The following ATP13A4 variants were observed in gnomAD, a reference collection of about 807,000 sequenced individuals.
The protein encoded by ATP13A4 is ATPase 13A4.
Under a neutral mutation model 142.5 loss-of-function variants are expected in ATP13A4, and 114 were observed. That is an observed-to-expected ratio of 0.80 (90% CI 0.69 to 0.93). ATP13A4 has a LOEUF of 0.93. Ranked by LOEUF, ATP13A4 falls within the 40% of genes least tolerant of loss-of-function variation. The pLI is 0.00. For missense variants in ATP13A4, 1,392 were observed against 1,454.0 expected (o/e 0.96, Z 0.69); for synonymous variants, 488 against 514.8 (o/e 0.95, Z 0.70).
chr3:193,444,987 A>AGCCC (rs1716860703), intron 18 of ATP13A4, among the ~76,000 whole-genome samples: 1 of 152,254 alleles, frequency 6.6e-6, no homozygotes, highest in South Asian at 2.1e-4. Flanking sequence ...CGGGATAAAC[A>AGCCC]GCCCAGGCCT....
intron 8 of ATP13A4, among the ~76,000 whole-genome samples, chr3:193,480,582 C>T (rs972682511): frequency 6.6e-6 from 1 of 152,134 alleles, no homozygotes; most frequent in Non-Finnish European, 1.5e-5. Context: ...AATGCGATAT[C>T]ACCTTACTCC....
At chr3:193,455,735 A>G (rs574336851) in intron 16 of ATP13A4, among the ~76,000 whole-genome samples, 21 of 152,370 alleles carry the variant, frequency 1.4e-4, no homozygotes, top group Middle Eastern at 6.8e-3. Context: ...GCACATGCAT[A>G]TATATGTTTA....
At chr3:193,527,157 C>T (rs1303739909) in intron 1 of ATP13A4, among the ~76,000 whole-genome samples, 1 of 152,180 alleles carries the variant, frequency 6.6e-6, no homozygotes, top group Non-Finnish European at 1.5e-5. Context: ...TAAATAATCC[C>T]TTTCCCCTGT....
intron 1 of ATP13A4, among the ~76,000 whole-genome samples, chr3:193,540,331 C>A (rs560415176): frequency 6.6e-6 from 1 of 152,092 alleles, no homozygotes; most frequent in South Asian, 2.1e-4. Context: ...CTTCCTCATA[C>A]TTCTCCGTGA....
At chr3:193,416,076 T>C (rs547893408) in intron 25 of ATP13A4, among the ~76,000 whole-genome samples, 2 of 152,296 alleles carry the variant, frequency 1.3e-5, no homozygotes, top group East Asian at 3.9e-4. Context: ...GTTTGTTTTT[T>C]CACTCCTAGA....
At chr3:193,425,800 T>C (rs1715630365) in intron 25 of ATP13A4, among the ~76,000 whole-genome samples, 1 of 151,772 alleles carries the variant, frequency 6.6e-6, no homozygotes, top group Non-Finnish European at 1.5e-5. Context: ...TATTGTTCTA[T>C]TGCATAGTAG....
chr3:193,478,513 T>A (rs894392985), intron 8 of ATP13A4, among the ~76,000 whole-genome samples: 1 of 151,814 alleles, frequency 6.6e-6, no homozygotes, highest in Admixed American at 6.6e-5. Context: ...GCAAATAAAC[T>A]AGAAAATCTA....
intron 1 of ATP13A4, among the ~76,000 whole-genome samples, chr3:193,519,857 C>G (rs549875240): frequency 6.6e-6 from 1 of 151,926 alleles, no homozygotes; most frequent in South Asian, 2.1e-4. Flanking sequence ...GTTGGCCAGG[C>G]TGGTCTCGAA....
intron 2 of ATP13A4, among the ~76,000 whole-genome samples, chr3:193,564,556 G>A (rs990922277): frequency 2.6e-5 from 4 of 152,190 alleles, no homozygotes; most frequent in Non-Finnish European, 4.4e-5. Context: ...AAAGGCTGCA[G>A]TCATCTTGAC....
intron 2 of ATP13A4, among the ~76,000 whole-genome samples, chr3:193,568,836 C>T (rs1490068667): frequency 6.6e-6 from 1 of 151,708 alleles, no homozygotes; most frequent in African/African-American, 2.4e-5. Flanking sequence ...ACCATTTGAG[C>T]AACAAAATAA....
At chr3:193,406,498 C>A (rs957560764) in intron 29 of ATP13A4, among the ~76,000 whole-genome samples, 1 of 152,200 alleles carries the variant, frequency 6.6e-6, no homozygotes, top group African/African-American at 2.4e-5. Flanking sequence ...CCCTGCCTAC[C>A]AACAGGCTTT....
upstream of ATP13A4, among the ~76,000 whole-genome samples, chr3:193,556,755 G>C (rs1027774133): frequency 3.3e-5 from 5 of 151,726 alleles, no homozygotes; most frequent in African/African-American, 1.2e-4. Flanking sequence ...TCAATGAAGA[G>C]ATATAACAAA....
At chr3:193,499,504 A>G (rs988436927) in intron 3 of ATP13A4, among the ~76,000 whole-genome samples, 5 of 152,172 alleles carry the variant, frequency 3.3e-5, no homozygotes, top group African/African-American at 1.2e-4. Flanking sequence ...GGTAGGGCAG[A>G]TATTATTTTC....
chr3:193,425,707 A>G (rs1715624452), intron 25 of ATP13A4, among the ~76,000 whole-genome samples: 2 of 151,776 alleles, frequency 1.3e-5, no homozygotes, highest in Admixed American at 1.3e-4. Flanking sequence ...AAAGCTGGAA[A>G]GAATAGAGAT....
rs773960078 is a variant in ATP13A4 at position 193,442,424 on chromosome 3, TCTA to T, written c.2282_2284del (p.Val761del). On this transcript the variant is annotated inframe_deletion, in exon 19 of 30. Transcript: ENST00000342695. Reference sequence around the variant, plus strand: ...CCCATACATAATGTGTTTCTTCTCTTCTACTAACGTCCAAGATATAGATGCTGA... The same window carrying T: ...CCCATACATAATGTGTTTCTTCTCTTCTAACGTCCAAGATATAGATGCTGA... The T allele has an allele frequency of 6.2e-7, 1 of 1,614,074 alleles. No individual in the cohort carries two copies. Among genetic ancestry groups the T allele is most frequent in the Non-Finnish European group, 8.5e-7 (1 of 1,179,920 alleles).
At chr3:193,524,742 T>A (rs905016434) in intron 1 of ATP13A4, among the ~76,000 whole-genome samples, 3 of 152,224 alleles carry the variant, frequency 2.0e-5, no homozygotes, top group African/African-American at 7.2e-5. Context: ...AAAACTGTTA[T>A]GAGAATGAAA....
In ATP13A4 at chr3:193,442,552, G is replaced by C. The variant is rs146365433; in HGVS notation, c.2157C>G (p.Asp719Glu). 5.0e-6 allele frequency: 8 copies of C among 1,613,262 alleles called. No individual in the cohort carries two copies. Among genetic ancestry groups the C allele is most frequent in the Non-Finnish European group, 6.8e-6 (8 of 1,179,456 alleles). ...ARIRTVMITG[D>E]NLQTAITVAR... ...CCACTGTTATTGCAGTCTGAAGATT[G>C]TCACCTAGAGGAAAGGAGGAGTATC... Residue 719 changes from aspartate to glutamate, a missense_variant, in exon 19 of 30, where the codon GAC (aspartate) becomes GAG (glutamate). Physicochemically the swap from Asp to Glu is conservative, Grantham distance 45. Transcript: ENST00000342695.
intron 16 of ATP13A4, among the ~76,000 whole-genome samples, chr3:193,454,929 T>C (rs935994863): frequency 1.1e-4 from 17 of 152,176 alleles, no homozygotes; most frequent in African/African-American, 4.1e-4. Flanking sequence ...ACATACAGCC[T>C]ACAGAACAGG....
intron 18 of ATP13A4, among the ~76,000 whole-genome samples, chr3:193,444,684 C>T (rs76288019): frequency 0.022 from 3,330 of 152,274 alleles, 68 homozygotes; most frequent in Non-Finnish European, 0.029. Context: ...AAGAGACATT[C>T]CTGGTTATAA....
Sources: gnomAD v4.1 joint callset for allele counts (sites outside exome capture counted in the v4.1 genomes callset) on GRCh38, gnomAD v4.1.1 for gene constraint, MANE v1.5 for transcripts, NCBI Gene and HGNC (gene_info 2026-07-23, HGNC 2026-07-21) for gene names.